The following ARFGAP1 variants were observed in gnomAD, a reference collection of about 807,000 sequenced individuals.
The protein encoded by ARFGAP1 is ADP-ribosylation factor GTPase-activating protein 1.
In ARFGAP1, 26 loss-of-function variants were observed where a neutral mutation model predicts 54.0. The observed-to-expected ratio is 0.48, with a 90% confidence interval of 0.35 to 0.67. ARFGAP1 has a LOEUF of 0.67. ARFGAP1 is among the 30% of genes least tolerant of loss of function. The pLI is 0.00. For synonymous variants in ARFGAP1, 248 were observed against 211.9 expected (o/e 1.17, Z -1.48); for missense variants, 525 against 535.8 (o/e 0.98, Z 0.20).
At chr20:63,279,863 G>A (rs1222933963) in intron 7 of ARFGAP1, among the ~76,000 whole-genome samples, 1 of 152,152 alleles carries the variant, frequency 6.6e-6, no homozygotes, top group African/African-American at 2.4e-5. Flanking sequence ...ATTTTTGTAG[G>A]TGTGATGGCT....
intron 12 of ARFGAP1, 92 bp downstream of exon 12, chr20:63,286,534 C>A: frequency 1.5e-6 from 2 of 1,318,688 alleles, no homozygotes; most frequent in Non-Finnish European, 1.1e-6. Flanking sequence ...GGCATCCTTG[C>A]TGGGGAGGGA....
At position 63,287,706 on chromosome 20, in the gene ARFGAP1, G is replaced by T. The variant is rs748858719; in HGVS notation, c.1054G>T (p.Ala352Ser). The change falls in exon 13 of 13, where the codon GCG becomes TCG. Residue 352 changes from alanine to serine, a missense_variant. Ala to Ser is a moderately conservative substitution (Grantham distance 99, BLOSUM62 1). Transcript: ENST00000370283. ...KSPSSDSWTC[A>S]DTSTERRSSD... Reference sequence around the variant, plus strand: ...CCCGAGCAGCGACAGCTGGACGTGCGCGGACACCTCCACCGAGAGGAGGAG... The same window carrying T: ...CCCGAGCAGCGACAGCTGGACGTGCTCGGACACCTCCACCGAGAGGAGGAG... 1 of 1,612,030 alleles carries T rather than the reference G, an allele frequency of 6.2e-7. No homozygotes were observed. The highest frequency in any genetic ancestry group is 8.5e-7 in the Non-Finnish European group (1 of 1,179,732).
intron 8 of ARFGAP1, 89 bp downstream of exon 8, chr20:63,281,436 G>C: frequency 6.9e-7 from 1 of 1,447,736 alleles, no homozygotes; most frequent in African/African-American, 1.4e-5. Context: ...AGCTGCAGAA[G>C]GGATGTGGGA....
In ARFGAP1 at chr20:63,277,082, C is replaced by T. The variant is rs368016301; in HGVS notation, c.343-123C>T. 2.2e-4 allele frequency: 170 copies of T among 756,360 alleles called. No homozygotes were observed. In the Admixed American group the frequency reaches 3.0e-3, roughly 13 times the overall value. The allele number at this position is 756,360 out of a possible 1,614,324, so 46.9% of individuals were successfully genotyped here. A position where few individuals can be genotyped will look rare whatever the true frequency, so the allele number is the denominator to read the frequency against. On this transcript the variant is annotated intron_variant, in intron 4 of 12. Transcript: ENST00000370283. ...CCTGAGCAGGGGCCGTCGAGGGGGC[C>T]GGGAGGAGGCTGCGGGTGGTGGGTG...
intron 11 of ARFGAP1, chr20:63,286,138 G>A: frequency 6.5e-7 from 1 of 1,550,266 alleles, no homozygotes; most frequent in Non-Finnish European, 8.7e-7. Flanking sequence ...GAGCTCTTGA[G>A]GTCTGTGCAC....
intron 1 of ARFGAP1, chr20:63,274,168 A>C (rs1228488464): frequency 6.6e-6 from 1 of 152,262 alleles, no homozygotes; most frequent in South Asian, 2.1e-4. Context: ...AAGGGAGCCC[A>C]GGGTGAACTT....
At chr20:63,278,556 A>G (rs1209059760) in intron 6 of ARFGAP1, 1 of 458,194 alleles carries the variant, frequency 2.2e-6, no homozygotes, top group Non-Finnish European at 3.9e-6. Context: ...TAACACTTAG[A>G]AGAAAAGCAT....
intron 7 of ARFGAP1, chr20:63,279,312 T>G (rs1276993080): frequency 2.2e-6 from 1 of 453,990 alleles, no homozygotes; most frequent in South Asian, 1.7e-5. Context: ...TTCAGGTGAT[T>G]CTCCTGCCTC....
intron 12 of ARFGAP1, 92 bp from the exon 13 acceptor site, chr20:63,287,472 A>G: frequency 7.9e-7 from 1 of 1,258,610 alleles, no homozygotes. Context: ...GAAGGCGGTC[A>G]CTGTCCAGGT....
intron 1 of ARFGAP1, among the ~76,000 whole-genome samples, chr20:63,274,381 A>T (rs2067183332): frequency 7.0e-6 from 1 of 142,124 alleles, no homozygotes; most frequent in African/African-American, 2.6e-5. Flanking sequence ...GAAATATAAG[A>T]CAGAGGTTTT....
chr20:63,287,106 G>A (rs556626703), intron 12 of ARFGAP1, among the ~76,000 whole-genome samples: 7 of 152,254 alleles, frequency 4.6e-5, no homozygotes, highest in African/African-American at 1.7e-4. Context: ...CCCTGCAGAC[G>A]CCATGTCCCT....
At chr20:63,282,249 T>C (rs1351186768) in intron 8 of ARFGAP1, among the ~76,000 whole-genome samples, 1 of 152,252 alleles carries the variant, frequency 6.6e-6, no homozygotes, top group East Asian at 1.9e-4. Context: ...GAGCGTCAGC[T>C]TCTGGTTCCC....
At position 63,288,669 on chromosome 20, in the gene ARFGAP1, C is replaced by T. The variant is rs767789259; in HGVS notation, c.*796C>T. 47 of 375,752 alleles carry T rather than the reference C, an allele frequency of 1.3e-4. No homozygotes were observed. Among genetic ancestry groups the T allele is most frequent in the Non-Finnish European group, 2.3e-4 (42 of 186,160 alleles). 23.3% of individuals were successfully genotyped at this position (375,752 alleles called of 1,614,324 possible). On this transcript the variant is annotated 3_prime_UTR_variant, in exon 13 of 13. Coordinates refer to ENST00000370283, the MANE Select transcript of ARFGAP1 (RefSeq NM_018209.4). ...GCGGACGTGGCCAGGCAGGAGGGGC[C>T]GGGTTCAGGAGCTGAGCAGGGGATG... is the stretch of plus-strand genomic sequence containing the variant.
chr20:63,286,495 T>A (rs1327517583), intron 12 of ARFGAP1, 53 bp downstream of exon 12: 2 of 1,546,088 alleles, frequency 1.3e-6, no homozygotes, highest in Non-Finnish European at 8.9e-7. Flanking sequence ...CCTTGGCCAC[T>A]CCTCCTACAG....
Position 63,276,714 on chromosome 20 carries a change from T to C in ARFGAP1, c.342+63T>C, listed in dbSNP as rs1268265614. On this transcript the variant is annotated intron_variant, in intron 4 of 12. Coordinates refer to ENST00000370283, the MANE Select transcript of ARFGAP1 (RefSeq NM_018209.4). The surrounding 1 kb of genome is among the most constrained non-coding windows in gnomAD (Gnocchi z 5.2). The stretch of plus-strand genomic sequence containing the variant: ...GGGCTGCCCTGCCGTTTGTGGCAGC[T>C]GGACTGTGGCCTTTAGTGGTTCTGG... 22 of 1,517,004 alleles carry C rather than the reference T, an allele frequency of 1.5e-5. No individual in the cohort carries two copies. The highest frequency in any genetic ancestry group is 2.0e-5 in the Non-Finnish European group (22 of 1,127,368). The allele number at this position is 1,517,004 out of a possible 1,614,324, so 94.0% of individuals were successfully genotyped here.
At chr20:63,282,931 C>G in intron 9 of ARFGAP1, 80 bp downstream of exon 9, 1 of 1,498,802 alleles carries the variant, frequency 6.7e-7, no homozygotes, top group Admixed American at 1.7e-5. Context: ...CCTGAAGCTG[C>G]CTGGTTCCCT....
At chr20:63,285,902 C>T (rs980305739) in intron 11 of ARFGAP1, 189 bp downstream of exon 11, 22 of 1,442,032 alleles carry the variant, frequency 1.5e-5, no homozygotes, top group Middle Eastern at 3.6e-4. Context: ...TGGCCCACTG[C>T]GGCCCGGTCA....
intron 11 of ARFGAP1, chr20:63,286,111 C>T (rs777424534): frequency 1.9e-6 from 3 of 1,550,146 alleles, no homozygotes; most frequent in Non-Finnish European, 1.7e-6. Flanking sequence ...CGCTCCTCCC[C>T]CCCAAGCATG....
At chr20:63,281,228 C>G in intron 7 of ARFGAP1, 63 bp from the exon 8 acceptor site, 1 of 1,516,184 alleles carries the variant, frequency 6.6e-7, no homozygotes, top group Non-Finnish European at 8.9e-7. Context: ...CTGAGATACT[C>G]TGCTCAGCGC....
Sources: allele counts gnomAD v4.1 joint callset (sites outside exome capture counted in the v4.1 genomes callset), GRCh38; gene constraint gnomAD v4.1.1; non-coding constraint Gnocchi (gnomAD v3.1); transcripts MANE v1.5; gene names NCBI Gene and HGNC (gene_info 2026-07-23, HGNC 2026-07-21).